The following CSMD1 variants were observed in gnomAD, a reference collection of about 807,000 sequenced individuals.
CSMD1 encodes the protein CUB and sushi domain-containing protein 1.
Under a neutral mutation model 417.5 loss-of-function variants are expected in CSMD1, and 213 were observed. That is an observed-to-expected ratio of 0.51 (90% CI 0.46 to 0.57). The LOEUF is 0.57. CSMD1 is among the 20% of genes least tolerant of loss of function. The pLI is 0.00. For missense variants in CSMD1, 6,923 were observed against 4,529.7 expected (o/e 1.53, Z -15.17); for synonymous variants, 2,862 against 1,736.8 (o/e 1.65, Z -16.11).
At chr8:4,016,970 G>A (rs1009612171) in intron 4 of CSMD1, among the ~76,000 whole-genome samples, 1 of 152,146 alleles carries the variant, frequency 6.6e-6, no homozygotes, top group African/African-American at 2.4e-5. Flanking sequence ...AATCCCTAAT[G>A]TCTAAAACCC....
chr8:3,276,506 G>A (rs1802303071), intron 26 of CSMD1, among the ~76,000 whole-genome samples: 1 of 152,150 alleles, frequency 6.6e-6, no homozygotes, highest in Non-Finnish European at 1.5e-5. Flanking sequence ...GAGATCTCAT[G>A]AGTCTTATTC....
At chr8:3,670,629 G>A (rs1283192907) in intron 7 of CSMD1, among the ~76,000 whole-genome samples, 2 of 146,450 alleles carry the variant, frequency 1.4e-5, no homozygotes, top group Admixed American at 6.9e-5. Context: ...TATATATATG[G>A]GATATTTATA....
Position 4,446,383 on chromosome 8 carries a change from AT to A in CSMD1, c.303-26319del, listed in dbSNP as rs1798790048. Reference sequence around the variant, plus strand: ...GGCAACATGGCAGAACCCCAACTCCATAAAAACAAACAAAAGTAGCCATGGG... The same window carrying A: ...GGCAACATGGCAGAACCCCAACTCCAAAAAACAAACAAAAGTAGCCATGGG... On this transcript the variant is annotated intron_variant, in intron 2 of 69. Coordinates refer to ENST00000635120, the MANE Select transcript of CSMD1 (RefSeq NM_033225.6). 1.3e-5 allele frequency among the ~76,000 whole-genome samples: 2 copies of A among 152,100 alleles called. 1 individual carries two copies. Among genetic ancestry groups the A allele is most frequent in the African/African-American group, 4.8e-5 (2 of 41,426 alleles).
At chr8:4,185,087 C>T (rs868487281) in intron 3 of CSMD1, among the ~76,000 whole-genome samples, 1 of 133,992 alleles carries the variant, frequency 7.5e-6, no homozygotes, top group Non-Finnish European at 1.5e-5. Flanking sequence ...TGCAGTGAGC[C>T]AAGATCGCAC....
rs1410912347 is a variant in CSMD1 at position 3,670,895 on chromosome 8, TGATATATATGTATATGG to T, written c.1009+37502_1009+37518del. Among the ~76,000 whole-genome samples the T allele has an allele frequency of 4.6e-4, 48 of 104,536 alleles. No individual in the cohort carries two copies. In the South Asian group the frequency reaches 6.1e-3, roughly 13 times the overall value. 68.6% of individuals were successfully genotyped at this position (104,536 alleles called of 152,430 possible). The stretch of plus-strand genomic sequence containing the variant: ...TATGTATATGGGATATATATGTATG[TGATATATATGTATATGG>T]GATATATATGTATATGGGATATATA... On this transcript the variant is annotated intron_variant, in intron 7 of 69. Coordinates refer to ENST00000635120, the MANE Select transcript of CSMD1 (RefSeq NM_033225.6).
In CSMD1 at chr8:4,181,689, T is replaced by A. The variant is rs138215114; in HGVS notation, c.416-149590A>T. The stretch of plus-strand genomic sequence containing the variant: ...GAATAATATTGACTCAATTCATTTA[T>A]ACTTTTTTCAATATAATCTCCCCTC... On this transcript the variant is annotated intron_variant, in intron 3 of 69. Transcript: ENST00000635120. 5.5e-3 allele frequency among the ~76,000 whole-genome samples: 844 copies of A among 152,164 alleles called. 9 individuals are homozygous for A. The highest frequency in any genetic ancestry group is 0.019 in the African/African-American group (803 of 41,512).
At chr8:4,691,736 T>C (rs551789723) in intron 1 of CSMD1, among the ~76,000 whole-genome samples, 4 of 152,328 alleles carry the variant, frequency 2.6e-5, no homozygotes, top group Non-Finnish European at 4.4e-5. Flanking sequence ...GTACACTACA[T>C]TGGGAATCTG....
chr8:3,391,849 C>T (rs1054432096), intron 17 of CSMD1, among the ~76,000 whole-genome samples: 1 of 152,204 alleles, frequency 6.6e-6, no homozygotes. Flanking sequence ...TTAATAATTT[C>T]AGAAAGCAAG....
At chr8:4,432,392 G>A (rs1797920674) in intron 2 of CSMD1, among the ~76,000 whole-genome samples, 1 of 152,068 alleles carries the variant, frequency 6.6e-6, no homozygotes, top group African/African-American at 2.4e-5. Context: ...CTACACTAAG[G>A]CAGGTTTCAT....
chr8:4,488,349 C>G (rs1012853243), intron 2 of CSMD1, among the ~76,000 whole-genome samples: 2 of 152,018 alleles, frequency 1.3e-5, no homozygotes, highest in African/African-American at 2.4e-5. Context: ...CAAGTGTATT[C>G]TGAACACTTG....
chr8:4,816,159 C>T (rs768622473), intron 1 of CSMD1, among the ~76,000 whole-genome samples: 1 of 151,896 alleles, frequency 6.6e-6, no homozygotes, highest in Non-Finnish European at 1.5e-5. Context: ...CATGCTTTGG[C>T]TCAGGTTGGT....
At chr8:4,192,308 T>G (rs1011761347) in intron 3 of CSMD1, among the ~76,000 whole-genome samples, 3 of 152,220 alleles carry the variant, frequency 2.0e-5, no homozygotes, top group Non-Finnish European at 4.4e-5. Context: ...AGTATGCAAT[T>G]ACATTGTCCC....
At chr8:4,918,500 T>C (rs1006236731) in intron 1 of CSMD1, among the ~76,000 whole-genome samples, 2 of 152,090 alleles carry the variant, frequency 1.3e-5, no homozygotes, top group Non-Finnish European at 2.9e-5. Context: ...TCTGCTCCAA[T>C]ATTTATTAGA....
chr8:4,608,930 A>C (rs1309698116), intron 2 of CSMD1, among the ~76,000 whole-genome samples: 2 of 152,008 alleles, frequency 1.3e-5, no homozygotes, highest in Non-Finnish European at 2.9e-5. Flanking sequence ...AGCCCTGTAA[A>C]CCTTGTTTGA....
intron 26 of CSMD1, among the ~76,000 whole-genome samples, chr8:3,281,201 G>T: frequency 6.6e-6 from 1 of 152,152 alleles, no homozygotes; most frequent in Middle Eastern, 3.2e-3. Flanking sequence ...CCAGCACTTT[G>T]GGAGGCTGAG....
intron 5 of CSMD1, among the ~76,000 whole-genome samples, chr8:3,950,296 A>G (rs17401217): frequency 0.1 from 15,418 of 152,186 alleles, 1,046 homozygotes; most frequent in South Asian, 0.19. Context: ...AAAAGAACCT[A>G]TTCTCCAGTT....
intron 1 of CSMD1, among the ~76,000 whole-genome samples, chr8:4,952,730 G>C (rs886624065): frequency 1.3e-5 from 2 of 152,028 alleles, no homozygotes; most frequent in African/African-American, 2.4e-5. Flanking sequence ...ATCAAATATT[G>C]AGAGATTCCT....
chr8:4,806,517 G>C (rs949981328), intron 1 of CSMD1, among the ~76,000 whole-genome samples: 2 of 152,104 alleles, frequency 1.3e-5, no homozygotes, highest in Non-Finnish European at 2.9e-5. Flanking sequence ...CTTTCCTCTG[G>C]AGCTCTTTTC....
intron 1 of CSMD1, among the ~76,000 whole-genome samples, chr8:4,913,267 G>C (rs954105843): frequency 6.6e-6 from 1 of 152,146 alleles, no homozygotes; most frequent in Admixed American, 6.5e-5. Context: ...CTTCTTTCCT[G>C]CCACAGGTTT....
Sources: allele counts gnomAD v4.1 joint callset (sites outside exome capture counted in the v4.1 genomes callset), GRCh38; gene constraint gnomAD v4.1.1; transcripts MANE v1.5; gene names NCBI Gene and HGNC (gene_info 2026-07-23, HGNC 2026-07-21).